Variants in TRDN observed in about 807,000 individuals in gnomAD.
TRDN encodes the protein triadin in skeletal muscle.
In TRDN, 161 loss-of-function variants were observed where a neutral mutation model predicts 149.7. That is an observed-to-expected ratio of 1.08 (90% CI 0.95 to 1.23). The LOEUF (loss-of-function observed/expected upper bound fraction) is 1.23. Among genes scored for constraint, TRDN ranks in the 50% most tolerant of loss-of-function variants. TRDN has a pLI of 0.00. For synonymous variants in TRDN, 294 were observed against 250.5 expected (o/e 1.17, Z -1.64); for missense variants, 896 against 823.5 (o/e 1.09, Z -1.08).
At chr6:123,244,837 G>C (rs953846264) in intron 38 of TRDN, among the ~76,000 whole-genome samples, 1 of 152,162 alleles carries the variant, frequency 6.6e-6, no homozygotes, top group Non-Finnish European at 1.5e-5. Flanking sequence ...GTTAAGGGCA[G>C]CTAGAGAGAA....
At chr6:123,334,964 G>T (rs995878972) in intron 22 of TRDN, among the ~76,000 whole-genome samples, 7 of 152,002 alleles carry the variant, frequency 4.6e-5, no homozygotes, top group African/African-American at 1.7e-4. Context: ...TTTAATAGAA[G>T]TAACTGACAA....
chr6:123,586,056 G>A (rs542654218), intron 1 of TRDN, among the ~76,000 whole-genome samples: 2 of 152,208 alleles, frequency 1.3e-5, no homozygotes, highest in Non-Finnish European at 2.9e-5. Flanking sequence ...AAGTGTCTCA[G>A]GGTTGCTGCC....
At chr6:123,344,206 C>T (rs1392637359) in intron 21 of TRDN, among the ~76,000 whole-genome samples, 1 of 152,048 alleles carries the variant, frequency 6.6e-6, no homozygotes, top group East Asian at 1.9e-4. Context: ...CACACTCAGG[C>T]TCCATCACTA....
At chr6:123,598,234 T>G (rs1784123610) in intron 1 of TRDN, among the ~76,000 whole-genome samples, 2 of 152,098 alleles carry the variant, frequency 1.3e-5, no homozygotes, top group Admixed American at 6.6e-5. Context: ...GCATGTAATA[T>G]TCAAGGTAAA....
At position 123,497,050 on chromosome 6, in the gene TRDN, C is replaced by T. The variant is rs565829089; in HGVS notation, c.853+143G>A. 11 of 490,132 alleles carry T rather than the reference C, an allele frequency of 2.2e-5. 1 individual carries two copies. The highest frequency in any genetic ancestry group is 1.3e-4 in the South Asian group (4 of 31,376). 30.4% of individuals were successfully genotyped at this position (490,132 alleles called of 1,614,324 possible). A position where few individuals can be genotyped will look rare whatever the true frequency, so the allele number is the denominator to read the frequency against. On this transcript the variant is annotated intron_variant, in intron 9 of 40. Transcript: ENST00000334268. ...TTAAGACCTTAATGCCAGTTATTAC[C>T]GCTTTTTATTGGTTTTATTCTAGAT... is the stretch of plus-strand genomic sequence containing the variant.
intron 4 of TRDN, among the ~76,000 whole-genome samples, chr6:123,545,397 C>G (rs1781061803): frequency 6.6e-6 from 1 of 151,762 alleles, no homozygotes; most frequent in Non-Finnish European, 1.5e-5. Context: ...TGCTTTAAAG[C>G]TCTCATTGCC....
chr6:123,342,789 A>T (rs1028550798), intron 21 of TRDN, among the ~76,000 whole-genome samples: 3 of 151,990 alleles, frequency 2.0e-5, no homozygotes, highest in Non-Finnish European at 4.4e-5. Flanking sequence ...TTGTTCCTAA[A>T]AGTGAACAGG....
chr6:123,467,993 G>A (rs75086271), intron 9 of TRDN, among the ~76,000 whole-genome samples: 2 of 152,160 alleles, frequency 1.3e-5, no homozygotes, highest in East Asian at 3.9e-4. Context: ...ATAAAATGTG[G>A]ATAGTTGTAG....
chr6:123,588,434 T>C (rs542085088), intron 1 of TRDN, among the ~76,000 whole-genome samples: 2 of 152,284 alleles, frequency 1.3e-5, no homozygotes, highest in African/African-American at 4.8e-5. Flanking sequence ...GACACCTCCT[T>C]CCCATCATGG....
intron 10 of TRDN, among the ~76,000 whole-genome samples, chr6:123,456,190 C>G (rs1038669895): frequency 6.6e-6 from 1 of 152,100 alleles, no homozygotes; most frequent in Non-Finnish European, 1.5e-5. Flanking sequence ...GTCTGATTTT[C>G]AAATGAAGCC....
intron 20 of TRDN, among the ~76,000 whole-genome samples, chr6:123,353,342 A>G (rs1014574407): frequency 6.6e-6 from 1 of 151,886 alleles, no homozygotes; most frequent in Non-Finnish European, 1.5e-5. Flanking sequence ...TTTAAAATGA[A>G]GAAATGTGTC....
At chr6:123,427,216 G>A (rs1483501085) in intron 12 of TRDN, among the ~76,000 whole-genome samples, 1 of 150,888 alleles carries the variant, frequency 6.6e-6, no homozygotes, top group Non-Finnish European at 1.5e-5. Flanking sequence ...GTCAGCTCAG[G>A]TTATATATAG....
In TRDN at chr6:123,217,795, G is replaced by A. The variant is rs1393562942; in HGVS notation, c.*806C>T. 6.6e-6 allele frequency: 1 copy of A among 151,920 alleles called. No individual in the cohort carries two copies. Among genetic ancestry groups the A allele is most frequent in the Non-Finnish European group, 1.5e-5 (1 of 67,944 alleles). The allele number at this position is 151,920 out of a possible 1,614,324, so 9.4% of individuals were successfully genotyped here. On this transcript the variant is annotated 3_prime_UTR_variant, in exon 41 of 41. Coordinates refer to ENST00000334268, the MANE Select transcript of TRDN (RefSeq NM_006073.4). Reference sequence around the variant, plus strand: ...GTGATTGATCTAAAATTTCACCCAGGTGACATTTTTATTAAGACACAGTCT... The same window carrying A: ...GTGATTGATCTAAAATTTCACCCAGATGACATTTTTATTAAGACACAGTCT...
intron 9 of TRDN, among the ~76,000 whole-genome samples, chr6:123,486,260 T>G (rs920970573): frequency 3.9e-5 from 6 of 151,910 alleles, no homozygotes; most frequent in African/African-American, 1.4e-4. Context: ...CTTCTTTTTT[T>G]TTTTTTAACC....
intron 21 of TRDN, chr6:123,349,442 G>T: frequency 2.6e-6 from 2 of 779,794 alleles, no homozygotes; most frequent in Non-Finnish European, 1.6e-6. Context: ...AAAGCACGAA[G>T]TATTGTCAAA....
chr6:123,571,498 G>A (rs1048484538), intron 1 of TRDN, among the ~76,000 whole-genome samples: 34 of 151,478 alleles, frequency 2.2e-4, no homozygotes, highest in Non-Finnish European at 4.1e-4. Context: ...TGTTTTGTTT[G>A]TTTGTTTGTT....
intron 21 of TRDN, chr6:123,350,293 A>G (rs1780410111): frequency 2.1e-6 from 2 of 947,992 alleles, no homozygotes; most frequent in Non-Finnish European, 2.5e-6. Flanking sequence ...AGATACTGGA[A>G]TATCCATAGT....
Position 123,503,758 on chromosome 6 carries a change from C to T in TRDN, c.754G>A (p.Asp252Asn), listed in dbSNP as rs749401047. The change falls in exon 8 of 41, where the codon GAC becomes AAC. Residue 252 changes from aspartate to asparagine, a missense_variant. Physicochemically the swap from Asp to Asn is conservative, Grantham distance 23 (BLOSUM62 1). Coordinates refer to ENST00000334268, the MANE Select transcript of TRDN (RefSeq NM_006073.4). ...TTTGACACAGCTGCTTTCTCTTTGT[C>T]CTCCTTTTCTTTGGGTTTTGATGGT... ...KTPSKPKEKE[D>N]KEKAAVSKHE... is the part of the protein sequence containing the mutation. 1.2e-6 allele frequency: 2 copies of T among 1,613,644 alleles called. No homozygotes were observed. The highest frequency in any genetic ancestry group is 1.3e-5 in the African/African-American group (1 of 74,980).
chr6:123,236,650 A>C lies in TRDN; in HGVS notation c.1976-12519T>G, dbSNP rs540348204. ...GTTAAGATAGCAGTTTATTTTCAAA[A>C]AATACATAGATGTCCAATTGTTTGA... is the stretch of plus-strand genomic sequence containing the variant. On this transcript the variant is annotated intron_variant, in intron 38 of 40. Transcript: ENST00000334268. Among the ~76,000 whole-genome samples the C allele has an allele frequency of 3.0e-3, 450 of 152,294 alleles. 3 individuals are homozygous for C. Among genetic ancestry groups the C allele is most frequent in the African/African-American group, 0.01 (426 of 41,564 alleles).
Sources: gnomAD v4.1 joint callset for allele counts (sites outside exome capture counted in the v4.1 genomes callset) on GRCh38, gnomAD v4.1.1 for gene constraint, MANE v1.5 for transcripts, NCBI Gene and HGNC (gene_info 2026-07-23, HGNC 2026-07-21) for gene names.